Variants in FAAH2 observed in about 807,000 individuals in gnomAD.
The protein encoded by FAAH2 is fatty acid amide hydrolase 2.
A neutral mutation model predicts 36.9 loss-of-function variants in FAAH2; 60 were observed. That is an observed-to-expected ratio of 1.63 (90% CI 1.32 to 2.02). The LOEUF is 2.02. Among genes scored for constraint, FAAH2 ranks in the 30% most tolerant of loss-of-function variants. The pLI, the probability that FAAH2 is intolerant of heterozygous loss-of-function variation, is 0.00. For synonymous variants in FAAH2, 214 were observed against 143.8 expected (o/e 1.49, Z -3.49); for missense variants, 689 against 397.5 (o/e 1.73, Z -6.23).
At chrX:57,145,752 A>T in the FAAH2 span, among the ~76,000 whole-genome samples, 1 of 111,694 alleles carries the variant, frequency 9.0e-6, no homozygotes, top group African/African-American at 3.3e-5. Context: ...AGAGATGAGG[A>T]TCTAGTTTCA....
At chrX:57,147,441 C>A in the FAAH2 span, among the ~76,000 whole-genome samples, 3 of 111,632 alleles carry the variant, frequency 2.7e-5, no homozygotes, top group Non-Finnish European at 5.7e-5. Context: ...TTTGGATATT[C>A]TCTCTTCTTT....
intron 2 of FAAH2, among the ~76,000 whole-genome samples, chrX:57,306,534 C>T (rs189038775): frequency 1.1e-4 from 12 of 109,193 alleles, no homozygotes; most frequent in Middle Eastern, 4.7e-3. Flanking sequence ...GACTCTCAAA[C>T]GTAGGAGATT....
intron 10 of FAAH2, among the ~76,000 whole-genome samples, chrX:57,483,687 A>G (rs1283156001): frequency 1.1e-5 from 1 of 87,961 alleles, no homozygotes; most frequent in Non-Finnish European, 2.2e-5. Flanking sequence ...TTCTTTCCCT[A>G]TTTTTTCTTC....
intron 7 of FAAH2, among the ~76,000 whole-genome samples, chrX:57,390,271 C>A (rs1463461013): frequency 8.9e-6 from 1 of 111,745 alleles, no homozygotes; most frequent in East Asian, 2.8e-4. Context: ...AGACCAATGT[C>A]ACGGAGCTTT....
chrX:57,262,848 A>G, the FAAH2 span, among the ~76,000 whole-genome samples: 197 of 111,975 alleles, frequency 1.8e-3, 2 homozygotes, highest in East Asian at 0.03. Flanking sequence ...TTAATAGACT[A>G]AGAAATAAAA....
At chrX:57,405,226 G>A (rs1158038863) in intron 7 of FAAH2, among the ~76,000 whole-genome samples, 2 of 111,455 alleles carry the variant, frequency 1.8e-5, no homozygotes, top group Non-Finnish European at 3.8e-5. Context: ...TGCTCCCAGA[G>A]CTCCCAAGAT....
chrX:57,172,615 A>G, the FAAH2 span, among the ~76,000 whole-genome samples: 1 of 112,304 alleles, frequency 8.9e-6, no homozygotes, highest in African/African-American at 3.2e-5. Flanking sequence ...GAATTGAATC[A>G]CACGTGGGCT....
the FAAH2 span, chrX:57,137,278 G>A: frequency 1.7e-5 from 13 of 759,948 alleles, no homozygotes; most frequent in South Asian, 1.9e-4. Flanking sequence ...TGCCTCTGCT[G>A]TGAGCCTGTG....
chrX:57,408,870 T>C (rs1445542302), intron 7 of FAAH2, among the ~76,000 whole-genome samples: 2 of 111,887 alleles, frequency 1.8e-5, no homozygotes, highest in African/African-American at 6.5e-5. Context: ...GTGTCATGTT[T>C]ATTGATTTTC....
intron 7 of FAAH2, among the ~76,000 whole-genome samples, chrX:57,406,413 G>A (rs1254040732): frequency 9.0e-6 from 1 of 111,693 alleles, no homozygotes; most frequent in Non-Finnish European, 1.9e-5. Flanking sequence ...GGATGCGTAA[G>A]AGCCAGCTTA....
At chrX:57,174,774 G>T in the FAAH2 span, among the ~76,000 whole-genome samples, 1 of 111,467 alleles carries the variant, frequency 9.0e-6, no homozygotes, top group Admixed American at 9.5e-5. Context: ...TTGATAACTT[G>T]TGTCACTGTT....
intron 3 of FAAH2, among the ~76,000 whole-genome samples, chrX:57,323,683 T>G (rs912830564): frequency 4.6e-5 from 1 of 21,688 alleles, no homozygotes; most frequent in Non-Finnish European, 1.8e-4. Flanking sequence ...GATGGGGTTG[T>G]TTTTTTTTTT....
intron 5 of FAAH2, among the ~76,000 whole-genome samples, chrX:57,347,604 G>GTTTTTTTTTTTTTTTTTTTTT (rs61323098): frequency 1.3e-5 from 1 of 77,890 alleles, no homozygotes; most frequent in Admixed American, 1.4e-4. Context: ...GGGATGCTAA[G>GTTTTTTTTTTTTTTTTTTTTT]TTTTTTTTTT....
upstream of FAAH2, among the ~76,000 whole-genome samples, chrX:57,286,137 G>A (rs2051806833): frequency 9.0e-6 from 1 of 111,695 alleles, no homozygotes; most frequent in Admixed American, 9.5e-5. Flanking sequence ...ACATTCACAT[G>A]GATATGTCAA....
chrX:57,148,764 C>A, the FAAH2 span, among the ~76,000 whole-genome samples: 1 of 111,507 alleles, frequency 9.0e-6, no homozygotes, highest in East Asian at 2.8e-4. Flanking sequence ...CCTTCTCCTG[C>A]CTCATTGTTC....
chrX:57,275,109 T>A, the FAAH2 span, among the ~76,000 whole-genome samples: 1 of 111,571 alleles, frequency 9.0e-6, no homozygotes, highest in South Asian at 3.8e-4. Flanking sequence ...TATACACCAA[T>A]AACAGACAAA....
chrX:57,431,647 G>C (rs761164493), intron 7 of FAAH2, among the ~76,000 whole-genome samples: 2 of 111,178 alleles, frequency 1.8e-5, no homozygotes, highest in African/African-American at 6.5e-5. Context: ...AGGGCAAGCA[G>C]AAATGACATG....
chrX:57,367,443 T>C (rs2054447359), intron 5 of FAAH2, among the ~76,000 whole-genome samples: 1 of 112,233 alleles, frequency 8.9e-6, no homozygotes, highest in Admixed American at 9.4e-5. Flanking sequence ...AAAATATAAA[T>C]AAAAACAAAA....
the FAAH2 span, among the ~76,000 whole-genome samples, chrX:57,227,374 G>T: frequency 9.0e-6 from 1 of 111,270 alleles, no homozygotes; most frequent in East Asian, 2.8e-4. Context: ...CTTTTCGTGT[G>T]GATGTGGCTT....
Sources: allele counts gnomAD v4.1 joint callset (sites outside exome capture counted in the v4.1 genomes callset), GRCh38; gene constraint gnomAD v4.1.1; transcripts MANE v1.5; gene names NCBI Gene and HGNC (gene_info 2026-07-23, HGNC 2026-07-21).